The following UNC5C variants were observed in gnomAD, a reference collection of about 807,000 sequenced individuals.
UNC5C encodes unc-5 netrin receptor C.
In UNC5C, 47 loss-of-function variants were observed where a neutral mutation model predicts 99.8. The ratio of observed to expected loss-of-function variants is 0.47; its 90% CI spans 0.37 to 0.60. The LOEUF is 0.60. Ranked by LOEUF, UNC5C falls within the 20% of genes least tolerant of loss-of-function variation. UNC5C has a pLI of 0.00. For missense variants in UNC5C, 1,062 were observed against 1,165.9 expected (o/e 0.91, Z 1.30); for synonymous variants, 487 against 452.2 (o/e 1.08, Z -0.98).
chr4:95,301,765 GA>G lies in UNC5C; in HGVS notation c.347-17del, dbSNP rs1464339340. 1.9e-6 allele frequency: 3 copies of G among 1,610,686 alleles called. No individual in the cohort carries two copies. In the Admixed American group the frequency reaches 5.0e-5, roughly 27 times the overall value. ...ACAATGAGACCTGACAAGAGAAAAA[GA>G]AAGATTTAAGTCAACACAAGATTCA... On this transcript the variant is annotated splice_polypyrimidine_tract_variant and intron_variant, in intron 2 of 15. Coordinates refer to ENST00000453304, the MANE Select transcript of UNC5C (RefSeq NM_003728.4).
intron 1 of UNC5C, among the ~76,000 whole-genome samples, chr4:95,472,251 A>G (rs2149474789): frequency 6.6e-6 from 1 of 152,276 alleles, no homozygotes; most frequent in South Asian, 2.1e-4. Context: ...TGTAAATTAA[A>G]TTCTTCTCAT....
chr4:95,360,365 T>C (rs1744350308), intron 1 of UNC5C, among the ~76,000 whole-genome samples: 1 of 152,198 alleles, frequency 6.6e-6, no homozygotes, highest in African/African-American at 2.4e-5. Context: ...GTCCACAATA[T>C]GAAGAGGAGC....
At chr4:95,392,225 A>C (rs1307424585) in intron 1 of UNC5C, among the ~76,000 whole-genome samples, 3 of 152,098 alleles carry the variant, frequency 2.0e-5, no homozygotes, top group African/African-American at 7.2e-5. Flanking sequence ...CACTCCCTAG[A>C]AACTTAGCTC....
intron 14 of UNC5C, among the ~76,000 whole-genome samples, chr4:95,176,597 G>A (rs917286725): frequency 3.5e-4 from 53 of 152,104 alleles, no homozygotes; most frequent in Non-Finnish European, 3.1e-4. Flanking sequence ...CAGTCTGCCC[G>A]TTCTCAGATC....
intron 3 of UNC5C, among the ~76,000 whole-genome samples, chr4:95,286,548 C>A (rs1281114680): frequency 6.6e-6 from 1 of 152,196 alleles, no homozygotes; most frequent in African/African-American, 2.4e-5. Context: ...TCCACAGAGT[C>A]CCAGAGCTCA....
chr4:95,337,087 T>G (rs190007400), intron 1 of UNC5C, among the ~76,000 whole-genome samples: 8 of 152,012 alleles, frequency 5.3e-5, no homozygotes, highest in Non-Finnish European at 2.9e-5. Context: ...ACCAATTTTT[T>G]TTCTTCTAAA....
At chr4:95,357,044 C>T (rs888421870) in intron 1 of UNC5C, among the ~76,000 whole-genome samples, 2 of 152,116 alleles carry the variant, frequency 1.3e-5, no homozygotes, top group African/African-American at 4.8e-5. Flanking sequence ...ACAACATTTC[C>T]AACCCATTTC....
At chr4:95,411,718 C>G (rs1362064756) in intron 1 of UNC5C, among the ~76,000 whole-genome samples, 1 of 152,170 alleles carries the variant, frequency 6.6e-6, no homozygotes, top group Non-Finnish European at 1.5e-5. Flanking sequence ...AATTTAAAAT[C>G]ATACTAGTTG....
chr4:95,272,386 T>C (rs980670660), intron 4 of UNC5C, among the ~76,000 whole-genome samples: 1 of 152,238 alleles, frequency 6.6e-6, no homozygotes, highest in Admixed American at 6.5e-5. Context: ...GTATAATAAG[T>C]CAGATAAAAT....
intron 1 of UNC5C, among the ~76,000 whole-genome samples, chr4:95,453,339 A>G (rs1427153887): frequency 6.6e-6 from 1 of 152,156 alleles, no homozygotes; most frequent in Non-Finnish European, 1.5e-5. Context: ...ATCATTGCTT[A>G]TATGCTAATA....
At position 95,169,267 on chromosome 4, in the gene UNC5C, C is replaced by T. The variant is rs779662955; in HGVS notation, c.2763G>A (p.Thr921=). 3.0e-5 allele frequency: 49 copies of T among 1,614,018 alleles called. No individual in the cohort carries two copies. The highest frequency in any genetic ancestry group is 3.3e-4 in the Middle Eastern group (2 of 6,084). The change falls in exon 16 of 16, where the codon ACG becomes ACA. Residue 921 remains threonine (T), a synonymous_variant. Coordinates refer to ENST00000453304, the MANE Select transcript of UNC5C (RefSeq NM_003728.4). ...GCCCTTCTGCTGCTAAGGACACCAC[C>T]GTTTCATGTCTTCCCATTTCTTCCA... ...AVLEEMGRHE[T]VVSLAAEGQY
chr4:95,495,310 T>A (rs1287606526), intron 1 of UNC5C, among the ~76,000 whole-genome samples: 9 of 151,442 alleles, frequency 5.9e-5, no homozygotes, highest in Non-Finnish European at 1.3e-4. Flanking sequence ...TAAGACAAAT[T>A]GTACCCAGTA....
At chr4:95,363,225 C>G (rs1004828743) in intron 1 of UNC5C, among the ~76,000 whole-genome samples, 1 of 152,094 alleles carries the variant, frequency 6.6e-6, no homozygotes, top group Non-Finnish European at 1.5e-5. Context: ...CACCGGCTTA[C>G]CATTACACAA....
chr4:95,420,043 C>T (rs1746273349), intron 1 of UNC5C, among the ~76,000 whole-genome samples: 1 of 152,124 alleles, frequency 6.6e-6, no homozygotes, highest in Non-Finnish European at 1.5e-5. Context: ...AACATTTCCT[C>T]TTGAGATGTC....
chr4:95,439,938 G>T (rs144477601), intron 1 of UNC5C, among the ~76,000 whole-genome samples: 8 of 152,254 alleles, frequency 5.3e-5, no homozygotes, highest in African/African-American at 1.9e-4. Context: ...AAAAAAGAGA[G>T]AATACAGGAA....
chr4:95,189,254 A>G (rs1425432070), intron 12 of UNC5C, among the ~76,000 whole-genome samples: 1 of 152,182 alleles, frequency 6.6e-6, no homozygotes, highest in African/African-American at 2.4e-5. Flanking sequence ...GTGAGAAGGG[A>G]GACAGTTTCT....
chr4:95,224,198 A>T (rs1423765366), intron 7 of UNC5C, among the ~76,000 whole-genome samples: 2 of 152,188 alleles, frequency 1.3e-5, no homozygotes, highest in Non-Finnish European at 2.9e-5. Flanking sequence ...TGGGAGCATC[A>T]CTTGAGACTG....
chr4:95,346,650 T>G (rs1292419532), intron 1 of UNC5C, among the ~76,000 whole-genome samples: 1 of 151,898 alleles, frequency 6.6e-6, no homozygotes, highest in East Asian at 1.9e-4. Flanking sequence ...GTGTGATACA[T>G]CCTATTGAGA....
intron 1 of UNC5C, among the ~76,000 whole-genome samples, chr4:95,484,347 A>G (rs1721265531): frequency 6.6e-6 from 1 of 151,842 alleles, no homozygotes; most frequent in African/African-American, 2.4e-5. Flanking sequence ...GCAAGGAAGG[A>G]ATTTGGATTT....
Sources: gnomAD v4.1 joint callset for allele counts (sites outside exome capture counted in the v4.1 genomes callset) on GRCh38, gnomAD v4.1.1 for gene constraint, MANE v1.5 for transcripts, NCBI Gene and HGNC (gene_info 2026-07-23, HGNC 2026-07-21) for gene names.